Variants in AFAP1 observed in about 807,000 individuals in gnomAD.
AFAP1 encodes actin filament associated protein 1, also known as actin filament-associated protein 1.
Under a neutral mutation model 93.9 loss-of-function variants are expected in AFAP1, and 75 were observed. That is an observed-to-expected ratio of 0.80 (90% CI 0.66 to 0.97). The LOEUF is 0.97. AFAP1 is among the 50% of genes least tolerant of loss of function. The pLI is 0.00. For synonymous variants in AFAP1, 517 were observed against 430.7 expected (o/e 1.20, Z -2.48); for missense variants, 1,201 against 1,050.8 (o/e 1.14, Z -1.98).
intron 1 of AFAP1, among the ~76,000 whole-genome samples, chr4:7,933,139 G>A (rs563195116): frequency 6.6e-6 from 1 of 152,182 alleles, no homozygotes; most frequent in East Asian, 1.9e-4. Context: ...GTAGTAAGTG[G>A]ATTGGTAACC....
intron 6 of AFAP1, among the ~76,000 whole-genome samples, chr4:7,827,298 A>C (rs1007962318): frequency 6.6e-6 from 1 of 152,148 alleles, no homozygotes; most frequent in Non-Finnish European, 1.5e-5. Flanking sequence ...GAGGCCGGGC[A>C]CGGTGGCTCA....
At chr4:7,865,135 T>C (rs1716257851) in intron 3 of AFAP1, among the ~76,000 whole-genome samples, 2 of 152,174 alleles carry the variant, frequency 1.3e-5, no homozygotes, top group South Asian at 4.1e-4. Context: ...ATGTATAGAT[T>C]ACACAGAAAA....
At chr4:7,926,510 C>T (rs1720775108) in intron 1 of AFAP1, among the ~76,000 whole-genome samples, 1 of 152,190 alleles carries the variant, frequency 6.6e-6, no homozygotes, top group Non-Finnish European at 1.5e-5. Flanking sequence ...AGACGCACTG[C>T]TCAGCCTCCA....
At chr4:7,804,174 G>A (rs557322835) in intron 9 of AFAP1, among the ~76,000 whole-genome samples, 1 of 152,162 alleles carries the variant, frequency 6.6e-6, no homozygotes, top group Non-Finnish European at 1.5e-5. Context: ...TCCAGGAAAG[G>A]TTACGCTGGA....
intron 9 of AFAP1, among the ~76,000 whole-genome samples, chr4:7,808,888 C>A (rs1719762199): frequency 6.6e-6 from 1 of 152,276 alleles, no homozygotes; most frequent in East Asian, 1.9e-4. Context: ...CGAGTAAAAG[C>A]TTCCTGAGGC....
chr4:7,806,104 A>C (rs1421564211), intron 9 of AFAP1, among the ~76,000 whole-genome samples: 2 of 152,180 alleles, frequency 1.3e-5, no homozygotes, highest in African/African-American at 4.8e-5. Flanking sequence ...GGCAAATAAG[A>C]GATAAATTTT....
chr4:7,856,133 T>C (rs1195019331), intron 3 of AFAP1, among the ~76,000 whole-genome samples: 3 of 152,180 alleles, frequency 2.0e-5, no homozygotes, highest in Admixed American at 6.5e-5. Context: ...CATATCCCTA[T>C]TGTGTGCTAG....
chr4:7,773,111 G>C (rs1272188108), intron 15 of AFAP1, 101 bp from the exon 16 acceptor site: 2 of 1,469,644 alleles, frequency 1.4e-6, no homozygotes, highest in Non-Finnish European at 1.8e-6. Flanking sequence ...CAAAACGTCT[G>C]AGGTCGAGCT....
intron 16 of AFAP1, among the ~76,000 whole-genome samples, chr4:7,771,753 T>C (rs1715470071): frequency 6.6e-6 from 1 of 152,130 alleles, no homozygotes; most frequent in African/African-American, 2.4e-5. Flanking sequence ...GGTTTGTGGT[T>C]TGGGGACAGA....
chr4:7,884,520 C>CCAGT (rs1304028176), intron 1 of AFAP1, among the ~76,000 whole-genome samples: 1 of 152,082 alleles, frequency 6.6e-6, no homozygotes, highest in Non-Finnish European at 1.5e-5. Context: ...ATTTAAATTC[C>CCAGT]CAGTCGGATC....
At chr4:7,892,811 G>A (rs1320498341) in intron 1 of AFAP1, among the ~76,000 whole-genome samples, 1 of 152,140 alleles carries the variant, frequency 6.6e-6, no homozygotes, top group African/African-American at 2.4e-5. Context: ...GGATGAAATT[G>A]CAGCCCATGA....
At chr4:7,778,926 A>G (rs1716447747) in intron 13 of AFAP1, 50 bp from the exon 14 acceptor site, 2 of 1,380,370 alleles carry the variant, frequency 1.4e-6, no homozygotes, top group Non-Finnish European at 2.0e-6. Context: ...AAAGTCAAAC[A>G]AATCTTGGTC....
chr4:7,776,464 C>T (rs1188365081), intron 14 of AFAP1: 2 of 152,146 alleles, frequency 1.3e-5, no homozygotes, highest in African/African-American at 4.8e-5. Context: ...AATGATACGA[C>T]GCCTGATGTA....
intron 5 of AFAP1, among the ~76,000 whole-genome samples, chr4:7,839,092 T>TG (rs768007073): frequency 2.0e-5 from 3 of 152,212 alleles, no homozygotes; most frequent in Non-Finnish European, 4.4e-5. Flanking sequence ...CCCAACACTT[T>TG]GGGAGGCTGA....
intron 9 of AFAP1, 63 bp downstream of exon 9, chr4:7,809,551 C>A: frequency 3.2e-6 from 5 of 1,556,700 alleles, no homozygotes; most frequent in Non-Finnish European, 4.3e-6. Context: ...ACCGACACCA[C>A]TGCAGGAGAA....
rs748479709 is a variant in AFAP1 at position 7,768,062 on chromosome 4, G to A, written c.2418+782C>T. On this transcript the variant is annotated intron_variant, in intron 17 of 17. Coordinates refer to ENST00000420658, the MANE Select transcript of AFAP1 (RefSeq NM_001134647.2). ...CTATACTCAGCCTGGGCCAGGGAGC[G>A]AGGCCCTGCCTCAAAAAAAGAAAAG... 2.8e-4 allele frequency among the ~76,000 whole-genome samples: 43 copies of A among 152,352 alleles called. No individual in the cohort carries two copies. The East Asian group carries it at 2.9e-3, about 10-fold the overall frequency.
At chr4:7,884,869 T>A (rs1325167231) in intron 1 of AFAP1, among the ~76,000 whole-genome samples, 2 of 152,192 alleles carry the variant, frequency 1.3e-5, no homozygotes, top group Non-Finnish European at 2.9e-5. Context: ...ATGACAAACA[T>A]GGATTACGGA....
chr4:7,904,907 C>T (rs1004551325), intron 1 of AFAP1, among the ~76,000 whole-genome samples: 1 of 152,040 alleles, frequency 6.6e-6, no homozygotes, highest in African/African-American at 2.4e-5. Context: ...TGGGGTTTTG[C>T]TATGTTGCCC....
intron 5 of AFAP1, among the ~76,000 whole-genome samples, chr4:7,838,924 C>G (rs1712651736): frequency 6.6e-6 from 1 of 152,110 alleles, no homozygotes; most frequent in Non-Finnish European, 1.5e-5. Context: ...TTCACTGATT[C>G]AGAAAAACTT....
Sources: gnomAD v4.1 joint callset for allele counts (sites outside exome capture counted in the v4.1 genomes callset) on GRCh38, gnomAD v4.1.1 for gene constraint, MANE v1.5 for transcripts, NCBI Gene and HGNC (gene_info 2026-07-23, HGNC 2026-07-21) for gene names.